Variants in PRKX observed in about 807,000 individuals in gnomAD.
PRKX encodes the protein cAMP-dependent protein kinase catalytic subunit PRKX.
PRKX carries 12 observed loss-of-function variants against 22.0 expected under a neutral mutation model. The observed-to-expected ratio is 0.54, with a 90% CI of 0.35 to 0.88. The LOEUF (loss-of-function observed/expected upper bound fraction) is 0.88, where lower values mean the gene tolerates loss of function less well. Ranked by LOEUF, PRKX falls within the 40% of genes least tolerant of loss-of-function variation. PRKX has a pLI of 0.01. For missense variants in PRKX, 217 were observed against 308.0 expected, an observed-to-expected ratio of 0.70 and a Z score of 2.21; for synonymous variants, 134 against 137.7, an observed-to-expected ratio of 0.97 and a Z score of 0.19.
At position 3,704,910 on chromosome X, in the gene PRKX, G is replaced by T. The variant is rs140297709; in HGVS notation, c.166+8178C>A. 8.3e-3 allele frequency among the ~76,000 whole-genome samples: 924 copies of T among 111,775 alleles called. 7 individuals are homozygous for T. The highest frequency in any genetic ancestry group is 0.028 in the African/African-American group (874 of 30,763). On this transcript the variant is annotated intron_variant, in intron 1 of 8. Transcript: ENST00000262848. ...TGCTGCAGTGAACCTGGGAGTGCAG[G>T]TATCTCTTCACTGTATGTGGTTTTA...
chrX:3,690,281 G>C (rs754961299), intron 1 of PRKX, among the ~76,000 whole-genome samples: 5 of 111,960 alleles, frequency 4.5e-5, no homozygotes, highest in Non-Finnish European at 9.4e-5. Context: ...AGATAGTTTG[G>C]TGAGTTCACT....
In PRKX at chrX:3,621,325, G is replaced by A; in HGVS notation, c.816-9C>T. The A allele has an allele frequency of 8.4e-7, 1 of 1,196,055 alleles. No homozygotes were observed. Among genetic ancestry groups the A allele is most frequent in the East Asian group, 3.0e-5 (1 of 33,698 alleles). ...GTTTCTTAATGAGGTCTCTATGTTG[G>A]GGAAGGAGACAAAAAAAAAAAAAGT... On this transcript the variant is annotated splice_polypyrimidine_tract_variant and intron_variant, in intron 5 of 8. Coordinates refer to ENST00000262848, the MANE Select transcript of PRKX (RefSeq NM_005044.5).
At chrX:3,676,717 C>T (rs1326928933) in intron 1 of PRKX, among the ~76,000 whole-genome samples, 5 of 111,758 alleles carry the variant, frequency 4.5e-5, no homozygotes. Context: ...CCACCCAAGT[C>T]TAATCTTGAA....
At chrX:3,652,286 C>T (rs1370167068) in intron 3 of PRKX, among the ~76,000 whole-genome samples, 5 of 110,733 alleles carry the variant, frequency 4.5e-5, no homozygotes, top group South Asian at 3.9e-4. Flanking sequence ...GGCGTGGTGG[C>T]GGGCGCCCGT....
chrX:3,705,346 C>T (rs1263096354), intron 1 of PRKX, among the ~76,000 whole-genome samples: 1 of 111,519 alleles, frequency 9.0e-6, no homozygotes, highest in Admixed American at 9.5e-5. Flanking sequence ...CCATCACCTC[C>T]TAAAAGCCCC....
At chrX:3,618,917 C>T (rs1335549914) in intron 6 of PRKX, among the ~76,000 whole-genome samples, 2 of 111,866 alleles carry the variant, frequency 1.8e-5, no homozygotes, top group Non-Finnish European at 3.8e-5. Context: ...TTATGAAGAG[C>T]CGTGGCACAG....
chrX:3,632,559 A>G (rs1317217384), intron 4 of PRKX, among the ~76,000 whole-genome samples: 1 of 112,043 alleles, frequency 8.9e-6, no homozygotes, highest in Non-Finnish European at 1.9e-5. Flanking sequence ...GGAGAATATT[A>G]AACGAAGTGC....
intron 6 of PRKX, among the ~76,000 whole-genome samples, chrX:3,618,404 G>A (rs1484319218): frequency 9.0e-6 from 1 of 111,375 alleles, no homozygotes; most frequent in African/African-American, 3.3e-5. Context: ...GATCACTTGA[G>A]CTCAGGAGCT....
chrX:3,639,025 A>T (rs1433241432), intron 4 of PRKX, among the ~76,000 whole-genome samples: 4 of 84,324 alleles, frequency 4.7e-5, no homozygotes, highest in Non-Finnish European at 9.0e-5. Flanking sequence ...AACTTAGATG[A>T]TAGATAAGGA....
intron 1 of PRKX, among the ~76,000 whole-genome samples, chrX:3,700,110 C>A (rs1928527352): frequency 1.8e-5 from 2 of 112,067 alleles, no homozygotes; most frequent in Admixed American, 1.9e-4. Flanking sequence ...TAGGCGGTGA[C>A]CTTTGAAGGT....
At chrX:3,682,825 C>A (rs1482643438) in intron 1 of PRKX, among the ~76,000 whole-genome samples, 1 of 110,048 alleles carries the variant, frequency 9.1e-6, no homozygotes, top group Non-Finnish European at 1.9e-5. Context: ...ACCCACAGAA[C>A]CTGTAAATGA....
intron 1 of PRKX, among the ~76,000 whole-genome samples, chrX:3,697,447 T>C (rs1258890298): frequency 2.7e-5 from 3 of 112,145 alleles, no homozygotes; most frequent in Non-Finnish European, 5.6e-5. Context: ...CACACTCTGT[T>C]ACTCCTTTAT....
chrX:3,693,036 T>C (rs140397716), intron 1 of PRKX, among the ~76,000 whole-genome samples: 4 of 111,166 alleles, frequency 3.6e-5, no homozygotes, highest in African/African-American at 1.3e-4. Context: ...TCCATCATGA[T>C]TGATATTTTC....
In PRKX at chrX:3,610,895, G is replaced by GT. The variant is rs1448828930; in HGVS notation, c.*23+1281dup. On this transcript the variant is annotated intron_variant, in intron 8 of 8. Transcript: ENST00000262848. ...ATGTTATGGGCGAGTCAGCTAAAATGTAAGCCCCAGAGTAGAGCAGAGAAA... is the reference window on the plus strand; with the variant it reads ...ATGTTATGGGCGAGTCAGCTAAAATGTTAAGCCCCAGAGTAGAGCAGAGAAA... The GT allele has an allele frequency of 2.7e-5, 3 of 111,741 alleles. No homozygotes were observed. In the Admixed American group the frequency reaches 2.9e-4, roughly 11 times the overall value. 9.2% of individuals were successfully genotyped at this position (111,741 alleles called of 1,213,427 possible). A position where few individuals can be genotyped will look rare whatever the true frequency, so the allele number is the denominator to read the frequency against.
intron 1 of PRKX, among the ~76,000 whole-genome samples, chrX:3,680,111 C>A (rs1001996499): frequency 1.8e-5 from 2 of 109,500 alleles, no homozygotes; most frequent in Non-Finnish European, 3.8e-5. Context: ...GTCCAACTCA[C>A]ACACAAACAC....
At chrX:3,652,629 T>C (rs1879341738) in intron 3 of PRKX, among the ~76,000 whole-genome samples, 1 of 111,507 alleles carries the variant, frequency 9.0e-6, no homozygotes, top group African/African-American at 3.3e-5. Flanking sequence ...TGTTTTCTCC[T>C]CAATGGAGTA....
intron 2 of PRKX, among the ~76,000 whole-genome samples, chrX:3,663,042 G>A (rs1220994727): frequency 2.0e-5 from 2 of 102,127 alleles, no homozygotes; most frequent in African/African-American, 3.6e-5. Context: ...GTCTCACTAA[G>A]ATGCCCAGGT....
chrX:3,620,769 G>A (rs1926537672), intron 6 of PRKX, among the ~76,000 whole-genome samples: 1 of 112,030 alleles, frequency 8.9e-6, no homozygotes, highest in Non-Finnish European at 1.9e-5. Context: ...GAATAGCACA[G>A]TGATAACTGA....
At chrX:3,662,319 G>A (rs1010000416) in intron 2 of PRKX, among the ~76,000 whole-genome samples, 1 of 111,319 alleles carries the variant, frequency 9.0e-6, no homozygotes, top group Non-Finnish European at 1.9e-5. Context: ...CCGGCACTTT[G>A]CGGGGCCAAG....
Sources: allele counts gnomAD v4.1 joint callset (sites outside exome capture counted in the v4.1 genomes callset), GRCh38; gene constraint gnomAD v4.1.1; transcripts MANE v1.5; gene names NCBI Gene and HGNC (gene_info 2026-07-23, HGNC 2026-07-21).